The following AK9 variants were observed in gnomAD, a reference collection of about 807,000 sequenced individuals.
AK9 encodes adenylate kinase domain containing 1.
AK9 carries 191 observed loss-of-function variants against 239.6 expected under a neutral mutation model. The observed-to-expected ratio is 0.80, with a 90% CI of 0.71 to 0.90. The LOEUF is 0.90. Ranked by LOEUF, AK9 falls within the 40% of genes least tolerant of loss-of-function variation. The probability of loss-of-function intolerance (pLI) is 0.00; values close to 1 mark genes in which losing one functional copy is unlikely to be tolerated. For missense variants in AK9, 1,995 were observed against 2,214.7 expected (o/e 0.90, Z 1.99); for synonymous variants, 689 against 721.0 (o/e 0.96, Z 0.71).
At chr6:109,651,925 C>G (rs143371002) in intron 8 of AK9, among the ~76,000 whole-genome samples, 1,730 of 152,046 alleles carry the variant, frequency 0.011, 31 homozygotes, top group African/African-American at 0.039. Context: ...GCCTACCAAC[C>G]AAAAAAAGTC....
chr6:109,496,994 C>A (rs892481039), intron 38 of AK9, among the ~76,000 whole-genome samples: 4 of 152,124 alleles, frequency 2.6e-5, no homozygotes, highest in Non-Finnish European at 4.4e-5. Context: ...CACACTCTGA[C>A]CCTGCCCTCC....
chr6:109,644,507 T>A (rs780784577), intron 9 of AK9, 107 bp downstream of exon 9: 35 of 914,326 alleles, frequency 3.8e-5, no homozygotes. Flanking sequence ...CAAAGATAAA[T>A]GGTGTTCAAA....
chr6:109,646,689 C>T (rs1026080201), intron 8 of AK9, among the ~76,000 whole-genome samples: 2 of 152,174 alleles, frequency 1.3e-5, no homozygotes, highest in Non-Finnish European at 2.9e-5. Flanking sequence ...AGGAAAACTT[C>T]CCCAACCTAG....
chr6:109,666,843 G>A (rs1341825626), intron 5 of AK9, among the ~76,000 whole-genome samples: 3 of 152,168 alleles, frequency 2.0e-5, no homozygotes, highest in African/African-American at 4.8e-5. Flanking sequence ...TCTGACCTCA[G>A]ACCAGGCTGA....
At chr6:109,559,776 C>T (rs1370013771) in intron 24 of AK9, among the ~76,000 whole-genome samples, 1 of 152,120 alleles carries the variant, frequency 6.6e-6, no homozygotes, top group Admixed American at 6.5e-5. Flanking sequence ...TGCTGCTTAA[C>T]AAATTACCAC....
At chr6:109,527,496 G>A (rs903082260) in intron 29 of AK9, 1 of 152,100 alleles carries the variant, frequency 6.6e-6, no homozygotes, top group African/African-American at 2.4e-5. Context: ...CACTTAGGGT[G>A]GCACACTGAC....
At chr6:109,660,694 G>T (rs1201959943) in intron 6 of AK9, among the ~76,000 whole-genome samples, 2 of 152,148 alleles carry the variant, frequency 1.3e-5, no homozygotes, top group Non-Finnish European at 2.9e-5. Context: ...GTTCTCATTT[G>T]CAGGAAATGA....
intron 17 of AK9, among the ~76,000 whole-genome samples, chr6:109,593,449 G>GT (rs1790563021): frequency 6.6e-6 from 1 of 152,062 alleles, no homozygotes; most frequent in Non-Finnish European, 1.5e-5. Flanking sequence ...AGAGGAGCCG[G>GT]TACCATTCCT....
intron 8 of AK9, among the ~76,000 whole-genome samples, chr6:109,649,050 G>A (rs1476323726): frequency 6.6e-5 from 10 of 152,160 alleles, no homozygotes; most frequent in Admixed American, 6.5e-4. Flanking sequence ...AACCGTTCAT[G>A]CTAAAAACTC....
At position 109,543,534 on chromosome 6, in the gene AK9, G is replaced by A. The variant is rs1010013916; in HGVS notation, c.3226-1363C>T. Among the ~76,000 whole-genome samples, 14 of 151,900 alleles carry A rather than the reference G, an allele frequency of 9.2e-5. No homozygotes were observed. In the South Asian group the frequency reaches 1.0e-3, roughly 11 times the overall value. Reference sequence around the variant, plus strand: ...GCGATCTTGGCTCACTGCAACCTCCGCCTCCTGGGTTCAAGTGATTCTCCT... The same window carrying A: ...GCGATCTTGGCTCACTGCAACCTCCACCTCCTGGGTTCAAGTGATTCTCCT... On this transcript the variant is annotated intron_variant, in intron 26 of 40. Coordinates refer to ENST00000424296, the MANE Select transcript of AK9 (RefSeq NM_001145128.3).
At chr6:109,557,614 C>G (rs1785164116) in intron 24 of AK9, among the ~76,000 whole-genome samples, 1 of 152,198 alleles carries the variant, frequency 6.6e-6, no homozygotes, top group Admixed American at 6.5e-5. Flanking sequence ...TGCTGGTTTG[C>G]AGAGACTGCA....
At chr6:109,559,939 T>C (rs1444216229) in intron 24 of AK9, among the ~76,000 whole-genome samples, 2 of 152,182 alleles carry the variant, frequency 1.3e-5, no homozygotes, top group African/African-American at 4.8e-5. Context: ...TCTCCACTTC[T>C]AGGGTTGGCT....
chr6:109,569,393 C>A (rs1162059583), intron 21 of AK9, among the ~76,000 whole-genome samples: 1 of 152,094 alleles, frequency 6.6e-6, no homozygotes, highest in Non-Finnish European at 1.5e-5. Flanking sequence ...GACTAAAATA[C>A]CAAAAGCAAT....
chr6:109,626,543 TTTG>T (rs1463945949), intron 12 of AK9, among the ~76,000 whole-genome samples: 1 of 152,184 alleles, frequency 6.6e-6, no homozygotes, highest in Non-Finnish European at 1.5e-5. Context: ...ATAAGGTGAT[TTTG>T]TTGTTGTGCA....
At chr6:109,537,818 T>C (rs1782244649) in intron 27 of AK9, among the ~76,000 whole-genome samples, 2 of 152,132 alleles carry the variant, frequency 1.3e-5, no homozygotes, top group Non-Finnish European at 2.9e-5. Flanking sequence ...TTGTTCTCAT[T>C]GGTTTCAAAG....
intron 24 of AK9, among the ~76,000 whole-genome samples, chr6:109,555,461 G>A (rs1313411016): frequency 1.3e-5 from 2 of 152,204 alleles, no homozygotes; most frequent in African/African-American, 4.8e-5. Context: ...TAAGTGCCAT[G>A]TGGCACTGAG....
At chr6:109,598,248 G>A (rs1197149184) in intron 17 of AK9, among the ~76,000 whole-genome samples, 18 of 131,048 alleles carry the variant, frequency 1.4e-4, no homozygotes, top group African/African-American at 2.9e-4. Context: ...AACAGTCCCC[G>A]GTGTGTGATG....
intron 27 of AK9, among the ~76,000 whole-genome samples, chr6:109,541,414 A>T (rs1004015856): frequency 1.3e-5 from 2 of 152,052 alleles, no homozygotes; most frequent in Admixed American, 1.3e-4. Context: ...CATTATAATA[A>T]TTTTTTTGTT....
In AK9 at chr6:109,608,447, G is replaced by A. The variant is rs114300826; in HGVS notation, c.1842+1918C>T. 4.4e-3 allele frequency among the ~76,000 whole-genome samples: 668 copies of A among 151,958 alleles called. 5 individuals carry two copies. The highest frequency in any genetic ancestry group is 0.015 in the African/African-American group (640 of 41,468). Reference sequence around the variant, plus strand: ...GGCCTTTTCAATAAGTGGTGTTAGAGCAACTAGCTATCTATCTTGAAAAAA... The same window carrying A: ...GGCCTTTTCAATAAGTGGTGTTAGAACAACTAGCTATCTATCTTGAAAAAA... On this transcript the variant is annotated intron_variant, in intron 17 of 40. Coordinates refer to ENST00000424296, the MANE Select transcript of AK9 (RefSeq NM_001145128.3).
Sources: gnomAD v4.1 joint callset for allele counts (sites outside exome capture counted in the v4.1 genomes callset) on GRCh38, gnomAD v4.1.1 for gene constraint, MANE v1.5 for transcripts, NCBI Gene and HGNC (gene_info 2026-07-23, HGNC 2026-07-21) for gene names.